The following TTC17 variants were observed in gnomAD, a reference collection of about 807,000 sequenced individuals.
TTC17 encodes tetratricopeptide repeat protein 17.
A neutral mutation model predicts 143.8 loss-of-function variants in TTC17; 58 were observed. The ratio of observed to expected loss-of-function variants is 0.40; its 90% CI spans 0.33 to 0.50. The LOEUF (loss-of-function observed/expected upper bound fraction) is 0.50. Among genes scored for constraint, TTC17 ranks in the 20% least tolerant of loss-of-function variants. The pLI, the probability that TTC17 is intolerant of heterozygous loss-of-function variation, is 0.49. For synonymous variants in TTC17, 501 were observed against 497.8 expected (o/e 1.01, Z -0.09); for missense variants, 1,273 against 1,392.5 (o/e 0.91, Z 1.37).
At chr11:43,366,819 A>G (rs553584854) in intron 1 of TTC17, among the ~76,000 whole-genome samples, 6 of 152,110 alleles carry the variant, frequency 3.9e-5, no homozygotes, top group Non-Finnish European at 5.9e-5. Context: ...TAACACACAC[A>G]GCCATACTGA....
At chr11:43,364,962 C>T (rs1011474024) in intron 1 of TTC17, among the ~76,000 whole-genome samples, 4 of 152,030 alleles carry the variant, frequency 2.6e-5, no homozygotes, top group East Asian at 1.9e-4. Flanking sequence ...TGTACCACCA[C>T]GCCCGGCTAA....
intron 3 of TTC17, 38 bp downstream of exon 3, chr11:43,389,859 T>G: frequency 6.6e-7 from 1 of 1,518,536 alleles, no homozygotes; most frequent in Non-Finnish European, 8.9e-7. Context: ...AATTGCTGTT[T>G]CAAACATTTC....
chr11:43,445,073 T>C (rs1210143074), intron 18 of TTC17, among the ~76,000 whole-genome samples: 1 of 152,190 alleles, frequency 6.6e-6, no homozygotes, highest in Non-Finnish European at 1.5e-5. Flanking sequence ...TGTAATTGCC[T>C]AAATAAATCA....
intron 16 of TTC17, among the ~76,000 whole-genome samples, chr11:43,429,404 C>CT (rs1947102247): frequency 6.6e-6 from 1 of 152,192 alleles, no homozygotes; most frequent in African/African-American, 2.4e-5. Context: ...ATAAAGGTAT[C>CT]TATTCCCAGT....
intron 21 of TTC17, among the ~76,000 whole-genome samples, chr11:43,474,439 G>C (rs1415633050): frequency 2.0e-5 from 3 of 152,138 alleles, no homozygotes; most frequent in South Asian, 2.1e-4. Flanking sequence ...AGAGGACAAG[G>C]AATGAAGCTA....
chr11:43,477,754 GT>G (rs1177060262), intron 21 of TTC17, among the ~76,000 whole-genome samples: 1 of 151,942 alleles, frequency 6.6e-6, no homozygotes, highest in African/African-American at 2.4e-5. Context: ...CATGGGAATA[GT>G]TTTTTTTCAA....
intron 16 of TTC17, among the ~76,000 whole-genome samples, chr11:43,442,421 T>G (rs1483080153): frequency 6.6e-6 from 1 of 152,206 alleles, no homozygotes; most frequent in Non-Finnish European, 1.5e-5. Context: ...AGGAGACATT[T>G]TGTTATTTGT....
chr11:43,411,298 C>G (rs1300673274), intron 15 of TTC17, among the ~76,000 whole-genome samples: 1 of 152,138 alleles, frequency 6.6e-6, no homozygotes, highest in African/African-American at 2.4e-5. Flanking sequence ...CATTTTCTAT[C>G]CTCTCTGGTT....
intron 21 of TTC17, among the ~76,000 whole-genome samples, chr11:43,462,677 A>G (rs1209373956): frequency 6.6e-6 from 1 of 152,210 alleles, no homozygotes; most frequent in Non-Finnish European, 1.5e-5. Context: ...GGAAAGTAAT[A>G]TAGATTTAAT....
Position 43,396,796 on chromosome 11 carries a change from C to G in TTC17, c.751C>G (p.Arg251Gly), listed in dbSNP as rs996129532. The change falls in exon 6 of 24, where the codon CGA becomes GGA. Residue 251 changes from arginine to glycine, a missense_variant. By Grantham distance (125) the Arg-to-Gly change is moderately radical. Coordinates refer to ENST00000039989, the MANE Select transcript of TTC17 (RefSeq NM_018259.6). ...ATATCAGGTAGTAGAATGTGCCATGCGAGCACTTCACTTCTCTTCCAGGTA... is the reference window on the plus strand; with the variant it reads ...ATATCAGGTAGTAGAATGTGCCATGGGAGCACTTCACTTCTCTTCCAGGTA... ...EPYQVVECAM[R>G]ALHFSSRHNK... 1.2e-6 allele frequency: 2 copies of G among 1,607,766 alleles called. No individual in the cohort carries two copies. Among genetic ancestry groups the G allele is most frequent in the African/African-American group, 1.3e-5 (1 of 74,788 alleles).
In TTC17 at chr11:43,397,981, G is replaced by A; in HGVS notation, c.926G>A (p.Gly309Glu). The change falls in exon 8 of 24, where the codon GGG (glycine) becomes GAG (glutamate). Residue 309 changes from glycine (G) to glutamate (E), a missense_variant. Gly to Glu is a moderately conservative substitution (Grantham distance 98). Transcript: ENST00000039989. ...TTGTTTTTGTCTCTTCAGATGCTTG[G>A]GGAATATAACCACTCAGTGCTCTGT... ...YTLGNIYAML[G>E]EYNHSVLCYD... The A allele has an allele frequency of 6.2e-7, 1 of 1,609,786 alleles. No homozygotes were observed. Among genetic ancestry groups the A allele is most frequent in the Non-Finnish European group, 8.5e-7 (1 of 1,178,346 alleles).
chr11:43,474,115 C>T (rs961171614), intron 21 of TTC17, among the ~76,000 whole-genome samples: 6 of 152,124 alleles, frequency 3.9e-5, no homozygotes, highest in African/African-American at 9.7e-5. Flanking sequence ...CCAGCAGTAG[C>T]GGAGTGATTA....
At chr11:43,453,568 T>C (rs1277207435) in intron 21 of TTC17, among the ~76,000 whole-genome samples, 1 of 152,172 alleles carries the variant, frequency 6.6e-6, no homozygotes, top group Non-Finnish European at 1.5e-5. Flanking sequence ...GTAACAAATA[T>C]TGTTTCCATG....
At chr11:43,449,006 C>T (rs1276639183) in intron 19 of TTC17, 1 of 152,422 alleles carries the variant, frequency 6.6e-6, no homozygotes, top group Non-Finnish European at 1.5e-5. Context: ...AAACCACCTA[C>T]TTTTCTCCAT....
At position 43,485,392 on chromosome 11, in the gene TTC17, T is replaced by A. The variant is rs181143235; in HGVS notation, c.3031-4847T>A. On this transcript the variant is annotated intron_variant, in intron 21 of 23. Coordinates refer to ENST00000039989, the MANE Select transcript of TTC17 (RefSeq NM_018259.6). ...GGGCTCAAGTATCAAAAACAAAATG[T>A]TAAAACTTAGAGTAAAATGTAGGAG... Among the ~76,000 whole-genome samples the A allele has an allele frequency of 1.1e-3, 162 of 152,288 alleles. 1 individual carries two copies. Among genetic ancestry groups the A allele is most frequent in the Admixed American group, 8.2e-3 (125 of 15,294 alleles).
chr11:43,436,355 C>A, intron 16 of TTC17: 1 of 1,246,082 alleles, frequency 8.0e-7, no homozygotes, highest in Non-Finnish European at 1.0e-6. Context: ...TTGACCTGAG[C>A]TGTGCTTCTG....
chr11:43,377,639 T>G (rs1373814401), intron 1 of TTC17, among the ~76,000 whole-genome samples: 1 of 152,146 alleles, frequency 6.6e-6, no homozygotes, highest in Non-Finnish European at 1.5e-5. Context: ...TGCTAATAAT[T>G]TTATCTTTAT....
At chr11:43,484,469 A>C (rs1948345065) in intron 21 of TTC17, among the ~76,000 whole-genome samples, 1 of 152,230 alleles carries the variant, frequency 6.6e-6, no homozygotes, top group South Asian at 2.1e-4. Flanking sequence ...AATCTAAATA[A>C]ATAGATATAT....
At chr11:43,367,096 A>C (rs181319925) in intron 1 of TTC17, among the ~76,000 whole-genome samples, 2 of 152,278 alleles carry the variant, frequency 1.3e-5, no homozygotes, top group African/African-American at 4.8e-5. Context: ...GACATTTCTC[A>C]ATGAATCCTT....
Sources: gnomAD v4.1 joint callset for allele counts (sites outside exome capture counted in the v4.1 genomes callset) on GRCh38, gnomAD v4.1.1 for gene constraint, MANE v1.5 for transcripts, NCBI Gene and HGNC (gene_info 2026-07-23, HGNC 2026-07-21) for gene names.